PRELID2: variants seen among roughly 807,000 people sequenced by gnomAD.
PRELID2 encodes PRELI domain-containing protein 2.
In PRELID2, 25 loss-of-function variants were observed where a neutral mutation model predicts 28.4. That is an observed-to-expected ratio of 0.88 (90% confidence interval 0.64 to 1.23). The LOEUF (loss-of-function observed/expected upper bound fraction) is 1.23, where lower values mean the gene tolerates loss of function less well. Among genes scored for constraint, PRELID2 ranks in the 50% most tolerant of loss-of-function variants. PRELID2 has a pLI of 0.00. For synonymous variants in PRELID2, 76 were observed against 71.6 expected (o/e 1.06, Z -0.31); for missense variants, 201 against 214.4 (o/e 0.94, Z 0.39).
intron 1 of PRELID2, among the ~76,000 whole-genome samples, chr5:145,697,194 C>T (rs1399071504): frequency 6.6e-6 from 1 of 150,800 alleles, no homozygotes; most frequent in Admixed American, 6.6e-5. Context: ...ATATATTTGA[C>T]TGGTATGGTA....
chr5:145,822,423 C>T (rs1173850962), intron 2 of PRELID2, among the ~76,000 whole-genome samples: 1 of 152,110 alleles, frequency 6.6e-6, no homozygotes, highest in East Asian at 1.9e-4. Flanking sequence ...AGGAAGCAGT[C>T]GTAGATGACA....
intron 1 of PRELID2, chr5:145,728,334 C>A (rs1186517739): frequency 8.6e-6 from 3 of 347,384 alleles, no homozygotes; most frequent in African/African-American, 4.2e-5. Context: ...CTCTATTTAT[C>A]TCTATCTCTA....
chr5:145,304,203 T>C, the PRELID2 span, among the ~76,000 whole-genome samples: 1 of 152,156 alleles, frequency 6.6e-6, no homozygotes, highest in Admixed American at 6.5e-5. Context: ...ATACAAGTAA[T>C]GTCCTAATGC....
In PRELID2 at chr5:145,796,048, AAT is replaced by A. The variant is rs150245798; in HGVS notation, c.474+392_474+393del. ...CTCCTGCAAAGGTTTGTGAGGATTC[AAT>A]GAGTTAATAATACAAATTCTTTTAG... is the stretch of plus-strand genomic sequence containing the variant. On this transcript the variant is annotated intron_variant, in intron 5 of 6. Transcript: ENST00000683046. The A allele has an allele frequency of 5.4e-3, 842 of 154,890 alleles. 7 individuals are homozygous for A. Among genetic ancestry groups the A allele is most frequent in the Admixed American group, 0.01 (155 of 15,406 alleles). 9.6% of individuals were successfully genotyped at this position (154,890 alleles called of 1,614,324 possible).
chr5:145,517,221 T>A (rs184125999), intron 1 of PRELID2, among the ~76,000 whole-genome samples: 11 of 151,656 alleles, frequency 7.3e-5, no homozygotes, highest in East Asian at 3.9e-4. Flanking sequence ...TAGGAGAAAA[T>A]TTTTGCAATC....
intron 1 of PRELID2, among the ~76,000 whole-genome samples, chr5:145,498,365 T>TA (rs1752325491): frequency 6.6e-6 from 1 of 152,196 alleles, no homozygotes; most frequent in East Asian, 1.9e-4. Context: ...GCCAAATGAT[T>TA]AAAATTCTAC....
At chr5:145,587,723 A>T (rs1273777701) in intron 1 of PRELID2, among the ~76,000 whole-genome samples, 2 of 152,162 alleles carry the variant, frequency 1.3e-5, no homozygotes, top group Non-Finnish European at 2.9e-5. Flanking sequence ...CAGCCCAATC[A>T]TGTCCTCCTT....
the PRELID2 span, among the ~76,000 whole-genome samples, chr5:145,327,835 C>A: frequency 6.6e-6 from 1 of 151,918 alleles, no homozygotes. Context: ...GCAGAATGTG[C>A]AGGTTTGTTA....
At chr5:145,439,856 A>T in the PRELID2 span, among the ~76,000 whole-genome samples, 4 of 152,084 alleles carry the variant, frequency 2.6e-5, no homozygotes, top group Middle Eastern at 6.3e-3. Context: ...AGGAGCACAG[A>T]TCTGATTCTG....
intron 1 of PRELID2, among the ~76,000 whole-genome samples, chr5:145,720,904 T>G (rs1755970219): frequency 4.6e-5 from 7 of 152,080 alleles, no homozygotes; most frequent in Admixed American, 3.9e-4. Context: ...TTCTAAGCTT[T>G]TTGAGGACCT....
the PRELID2 span, among the ~76,000 whole-genome samples, chr5:145,445,349 C>G: frequency 6.6e-6 from 1 of 151,968 alleles, no homozygotes; most frequent in African/African-American, 2.4e-5. Flanking sequence ...AAACTATACC[C>G]CCACTTCTCA....
the PRELID2 span, among the ~76,000 whole-genome samples, chr5:145,417,624 T>C: frequency 2.0e-5 from 3 of 152,128 alleles, no homozygotes; most frequent in Non-Finnish European, 4.4e-5. Context: ...ATTCACCATA[T>C]AAACAGAACT....
At chr5:145,590,231 T>C (rs150222850) in intron 1 of PRELID2, among the ~76,000 whole-genome samples, 12 of 152,314 alleles carry the variant, frequency 7.9e-5, no homozygotes, top group East Asian at 5.8e-4. Flanking sequence ...GATTATTGGA[T>C]GGTTCCTTTG....
the PRELID2 span, among the ~76,000 whole-genome samples, chr5:145,388,524 G>A: frequency 1.3e-5 from 2 of 152,132 alleles, no homozygotes; most frequent in Non-Finnish European, 2.9e-5. Flanking sequence ...GATTCCTCCA[G>A]TTCTCATGAA....
At chr5:145,562,605 A>G (rs1373934912) in intron 1 of PRELID2, among the ~76,000 whole-genome samples, 6 of 152,240 alleles carry the variant, frequency 3.9e-5, no homozygotes, top group Admixed American at 3.9e-4. Context: ...GCAAGGAAAT[A>G]AAGATAGATT....
intron 1 of PRELID2, among the ~76,000 whole-genome samples, chr5:145,569,683 A>T (rs1423706024): frequency 6.6e-6 from 1 of 152,238 alleles, no homozygotes; most frequent in African/African-American, 2.4e-5. Flanking sequence ...GGAGAAAGAA[A>T]GTATTTGTTG....
chr5:145,743,812 G>T (rs374615970), intron 1 of PRELID2, among the ~76,000 whole-genome samples: 1 of 152,220 alleles, frequency 6.6e-6, no homozygotes, highest in Non-Finnish European at 1.5e-5. Context: ...CAGCTCCCAG[G>T]GGGAGGGACA....
At chr5:145,640,320 C>CA (rs534851857) in intron 1 of PRELID2, among the ~76,000 whole-genome samples, 4,524 of 151,872 alleles carry the variant, frequency 0.03, 214 homozygotes, top group African/African-American at 0.1. Flanking sequence ...TAAAAAAATA[C>CA]AAAAAATTAG....
chr5:145,741,201 A>C (rs1756712702), intron 1 of PRELID2, among the ~76,000 whole-genome samples: 1 of 45,272 alleles, frequency 2.2e-5, no homozygotes, highest in Admixed American at 4.0e-4. Flanking sequence ...TACTATACAG[A>C]TATAAATATA....
Sources: gnomAD v4.1 joint callset for allele counts (sites outside exome capture counted in the v4.1 genomes callset) on GRCh38, gnomAD v4.1.1 for gene constraint, MANE v1.5 for transcripts, NCBI Gene and HGNC (gene_info 2026-07-23, HGNC 2026-07-21) for gene names.